The following NAALADL2 variants were observed in gnomAD, a reference collection of about 807,000 sequenced individuals.
NAALADL2 encodes the protein inactive N-acetylated-alpha-linked acidic dipeptidase-like protein 2.
In NAALADL2, 76 loss-of-function variants were observed where a neutral mutation model predicts 87.2. The observed-to-expected ratio is 0.87, with a 90% CI of 0.72 to 1.05. The LOEUF (loss-of-function observed/expected upper bound fraction) is 1.05. Ranked by LOEUF, NAALADL2 falls within the 50% of genes least tolerant of loss-of-function variation. The pLI is 0.00. For missense variants in NAALADL2, 1,089 were observed against 945.8 expected, an observed-to-expected ratio of 1.15 and a Z score of -1.99; for synonymous variants, 354 against 331.0, an observed-to-expected ratio of 1.07 and a Z score of -0.75.
chr3:175,233,095 C>A (rs1381125), intron 2 of NAALADL2, among the ~76,000 whole-genome samples: 128,101 of 152,068 alleles, frequency 0.84, 54,618 homozygotes, highest in Middle Eastern at 0.91. Flanking sequence ...CATTAATTTC[C>A]CATTGGTTTG....
chr3:175,123,269 T>C (rs1027750714), intron 2 of NAALADL2, among the ~76,000 whole-genome samples: 1 of 151,992 alleles, frequency 6.6e-6, no homozygotes, highest in African/African-American at 2.4e-5. Context: ...TTGTTGATTA[T>C]AAAGTGCTCA....
intron 5 of NAALADL2, among the ~76,000 whole-genome samples, chr3:175,405,418 T>G (rs552704617): frequency 9.9e-5 from 15 of 152,248 alleles, no homozygotes; most frequent in African/African-American, 2.6e-4. Flanking sequence ...CTTTTGAACA[T>G]TAGTAAATAT....
intron 3 of NAALADL2, among the ~76,000 whole-genome samples, chr3:175,247,860 G>T (rs1335439001): frequency 6.6e-6 from 1 of 152,172 alleles, no homozygotes; most frequent in Non-Finnish European, 1.5e-5. Flanking sequence ...GGCCATGCAA[G>T]AATTTTGACT....
chr3:175,198,036 C>T (rs1301487601), intron 2 of NAALADL2, among the ~76,000 whole-genome samples: 1 of 152,026 alleles, frequency 6.6e-6, no homozygotes, highest in Non-Finnish European at 1.5e-5. Context: ...TTAGATTTAA[C>T]ATAAACAAAG....
At chr3:175,755,504 A>G (rs1747154228) in intron 13 of NAALADL2, 86 bp downstream of exon 13, 6 of 943,634 alleles carry the variant, frequency 6.4e-6, no homozygotes, top group Non-Finnish European at 8.9e-6. Flanking sequence ...TTCTATGAAC[A>G]TAACAGTAGT....
chr3:174,907,751 C>A (rs1733149354), intron 1 of NAALADL2, among the ~76,000 whole-genome samples: 1 of 151,952 alleles, frequency 6.6e-6, no homozygotes, highest in Non-Finnish European at 1.5e-5. Context: ...TATTGTGGAT[C>A]TATTGTGTAT....
intron 9 of NAALADL2, among the ~76,000 whole-genome samples, chr3:175,570,416 A>C (rs1717880614): frequency 6.6e-6 from 1 of 152,184 alleles, no homozygotes; most frequent in Non-Finnish European, 1.5e-5. Flanking sequence ...CCAAGTTGAC[A>C]CTTAAAATTA....
intron 5 of NAALADL2, among the ~76,000 whole-genome samples, chr3:175,414,976 AG>A (rs369486463): frequency 6.6e-6 from 1 of 152,338 alleles, no homozygotes; most frequent in East Asian, 1.9e-4. Context: ...ACTGATCAAA[AG>A]AAAACACTTT....
chr3:174,461,415 G>A (rs1453830314), intron 1 of NAALADL2, among the ~76,000 whole-genome samples: 4 of 151,992 alleles, frequency 2.6e-5, no homozygotes, highest in East Asian at 1.9e-4. Context: ...TGTAGGAAAC[G>A]ATGGGTAGTA....
intron 11 of NAALADL2, among the ~76,000 whole-genome samples, chr3:175,657,863 AC>A (rs1253081343): frequency 6.6e-6 from 1 of 152,062 alleles, no homozygotes; most frequent in African/African-American, 2.4e-5. Context: ...GGCGTGAGCC[AC>A]CGTGCCTGGC....
At chr3:174,585,476 C>T (rs1032893420) in intron 2 of NAALADL2, among the ~76,000 whole-genome samples, 1 of 152,046 alleles carries the variant, frequency 6.6e-6, no homozygotes, top group Non-Finnish European at 1.5e-5. Context: ...TTTCTTCTAC[C>T]CTGTAAGATA....
intron 13 of NAALADL2, among the ~76,000 whole-genome samples, chr3:175,787,360 T>C (rs577933271): frequency 9.4e-4 from 143 of 151,840 alleles, no homozygotes; most frequent in East Asian, 5.6e-3. Context: ...TAGCAATCAG[T>C]GAGACTCCGT....
At chr3:174,490,833 A>G (rs1334858404) in intron 1 of NAALADL2, among the ~76,000 whole-genome samples, 1 of 152,100 alleles carries the variant, frequency 6.6e-6, no homozygotes, top group African/African-American at 2.4e-5. Flanking sequence ...CTAGCAAGAT[A>G]AGCTGGCCAG....
chr3:175,618,787 A>T (rs919431978), intron 10 of NAALADL2, among the ~76,000 whole-genome samples: 1 of 152,090 alleles, frequency 6.6e-6, no homozygotes, highest in South Asian at 2.1e-4. Flanking sequence ...ATGAAGAGGG[A>T]AGGCCTAGTA....
At chr3:174,750,776 C>A (rs949627080) in intron 3 of NAALADL2, among the ~76,000 whole-genome samples, 10 of 152,086 alleles carry the variant, frequency 6.6e-5, no homozygotes, top group Non-Finnish European at 1.2e-4. Context: ...TGGAAAGTAT[C>A]CACTCATTGC....
chr3:174,879,107 C>T (rs1300084531), intron 1 of NAALADL2, among the ~76,000 whole-genome samples: 1 of 152,042 alleles, frequency 6.6e-6, no homozygotes, highest in Non-Finnish European at 1.5e-5. Flanking sequence ...ACTAGCCTTC[C>T]AGTGCAGAAG....
At chr3:175,271,372 A>G (rs1752807833) in intron 4 of NAALADL2, among the ~76,000 whole-genome samples, 1 of 152,216 alleles carries the variant, frequency 6.6e-6, no homozygotes, top group Non-Finnish European at 1.5e-5. Flanking sequence ...TTTAATTGAG[A>G]GTTTTTAAAT....
intron 2 of NAALADL2, among the ~76,000 whole-genome samples, chr3:174,629,971 A>G (rs1346639373): frequency 6.6e-6 from 1 of 152,190 alleles, no homozygotes; most frequent in Admixed American, 6.5e-5. Context: ...AATTTGGTTG[A>G]TGTCACTCGA....
intron 5 of NAALADL2, among the ~76,000 whole-genome samples, chr3:175,395,214 G>A (rs111919548): frequency 8.6e-5 from 13 of 152,044 alleles, no homozygotes; most frequent in African/African-American, 2.9e-4. Context: ...GGATGGTGGG[G>A]GACAGTGCAA....
Sources: allele counts gnomAD v4.1 joint callset (sites outside exome capture counted in the v4.1 genomes callset), GRCh38; gene constraint gnomAD v4.1.1; transcripts MANE v1.5; gene names NCBI Gene and HGNC (gene_info 2026-07-23, HGNC 2026-07-21).